SMCHD1: variants seen among roughly 807,000 people sequenced by gnomAD.
The protein encoded by SMCHD1 is structural maintenance of chromosomes flexible hinge domain containing 1.
SMCHD1 carries 78 observed loss-of-function variants against 254.7 expected under a neutral mutation model. The ratio of observed to expected loss-of-function variants is 0.31; its 90% confidence interval spans 0.26 to 0.37. SMCHD1 has a LOEUF of 0.37. Ranked by LOEUF, SMCHD1 falls within the 10% of genes least tolerant of loss-of-function variation. SMCHD1 has a pLI of 1.00. For missense variants in SMCHD1, 1,840 were observed against 2,408.1 expected (o/e 0.76, Z 4.94); for synonymous variants, 766 against 794.9 (o/e 0.96, Z 0.61).
rs534070946 is a variant in SMCHD1, at chr18:2,785,093, C to T, written c.5719+472C>T. Reference sequence around the variant, plus strand: ...AAAGTGTATGACATGTGATCTCCTGCCCCTTTTTCCCTTCCACAGGCTGTG... The same window carrying T: ...AAAGTGTATGACATGTGATCTCCTGTCCCTTTTTCCCTTCCACAGGCTGTG... On this transcript the variant is annotated intron_variant, in intron 45 of 47. Transcript: ENST00000320876. The T allele has an allele frequency of 9.8e-5, 26 of 266,100 alleles. No homozygotes were observed. In the East Asian group the frequency reaches 1.5e-3, roughly 15 times the overall value. The allele number at this position is 266,100 out of a possible 1,614,324, so 16.5% of individuals were successfully genotyped here. A position where few individuals can be genotyped will look rare whatever the true frequency, so the allele number is the denominator to read the frequency against.
chr18:2,678,594 G>A (rs1251109915), intron 5 of SMCHD1, among the ~76,000 whole-genome samples: 1 of 152,136 alleles, frequency 6.6e-6, no homozygotes, highest in Non-Finnish European at 1.5e-5. Context: ...TGGGATTACA[G>A]GCGTGAGCCC....
chr18:2,772,191 T>C, intron 40 of SMCHD1, 59 bp from the exon 41 acceptor site: 1 of 1,383,116 alleles, frequency 7.2e-7, no homozygotes. Context: ...ACTGTCATTA[T>C]GGGCTGCCTG....
intron 1 of SMCHD1, among the ~76,000 whole-genome samples, chr18:2,659,693 G>A (rs1012072797): frequency 1.3e-5 from 2 of 150,944 alleles, no homozygotes; most frequent in African/African-American, 2.4e-5. Context: ...TTTGTTGTGC[G>A]GCTATTCTAG....
intron 1 of SMCHD1, among the ~76,000 whole-genome samples, chr18:2,664,119 A>G (rs2073371748): frequency 6.6e-6 from 1 of 152,158 alleles, no homozygotes; most frequent in South Asian, 2.1e-4. Flanking sequence ...TCAAGTTAAT[A>G]GGAATTTACC....
At chr18:2,699,836 T>C (rs1211606717) in intron 10 of SMCHD1, among the ~76,000 whole-genome samples, 3 of 152,228 alleles carry the variant, frequency 2.0e-5, no homozygotes, top group Non-Finnish European at 4.4e-5. Context: ...TGAGGGCTTT[T>C]AGGGAGAAGG....
chr18:2,756,930 CGTA>C (rs1568321107), intron 34 of SMCHD1, among the ~76,000 whole-genome samples: 1 of 152,006 alleles, frequency 6.6e-6, no homozygotes, highest in African/African-American at 2.4e-5. Flanking sequence ...CTTGATTAAT[CGTA>C]GTAAGAGATT....
chr18:2,703,948 C>A, intron 13 of SMCHD1, 62 bp downstream of exon 13: 1 of 1,257,986 alleles, frequency 7.9e-7, no homozygotes, highest in Non-Finnish European at 1.1e-6. Flanking sequence ...AACACATATG[C>A]AGAATCACAT....
At chr18:2,790,481 C>T (rs1034737149) in intron 45 of SMCHD1, among the ~76,000 whole-genome samples, 3 of 151,956 alleles carry the variant, frequency 2.0e-5, no homozygotes, top group East Asian at 1.9e-4. Context: ...CAGTATAGGC[C>T]GGACACGGTG....
chr18:2,802,307 T>C (rs957647427), intron 47 of SMCHD1, among the ~76,000 whole-genome samples: 2 of 152,216 alleles, frequency 1.3e-5, no homozygotes, highest in East Asian at 1.9e-4. Context: ...ATATATGTTA[T>C]ATACTGTGTG....
chr18:2,748,544 G>A (rs2075512960), intron 30 of SMCHD1, among the ~76,000 whole-genome samples: 1 of 151,590 alleles, frequency 6.6e-6, no homozygotes, highest in Admixed American at 6.6e-5. Flanking sequence ...ACAGGCATGT[G>A]CCATCATGCC....
chr18:2,696,542 C>G (rs951783548), intron 8 of SMCHD1, among the ~76,000 whole-genome samples: 1 of 152,174 alleles, frequency 6.6e-6, no homozygotes, highest in Non-Finnish European at 1.5e-5. Context: ...AATTGTCTTC[C>G]ATGAAACTGG....
At chr18:2,742,850 A>T (rs2143562533) in intron 28 of SMCHD1, among the ~76,000 whole-genome samples, 1 of 151,900 alleles carries the variant, frequency 6.6e-6, no homozygotes, top group South Asian at 2.1e-4. Context: ...CTAATTTTAA[A>T]ATTTTTTGTA....
chr18:2,718,118 A>C lies in SMCHD1; in HGVS notation c.2261-40A>C. Reference sequence around the variant, plus strand: ...TTGCGTATTTCATGTTTTACGTTGAATTTCTCAAGACACTATTGTTTCTTT... The same window carrying C: ...TTGCGTATTTCATGTTTTACGTTGACTTTCTCAAGACACTATTGTTTCTTT... On this transcript the variant is annotated intron_variant, in intron 17 of 47. Transcript: ENST00000320876. The surrounding 1 kb of genome is among the most constrained non-coding windows in gnomAD (Gnocchi z 4.6). 1.3e-6 allele frequency: 2 copies of C among 1,494,010 alleles called. No homozygotes were observed. The highest frequency in any genetic ancestry group is 1.8e-6 in the Non-Finnish European group (2 of 1,089,172). The allele number at this position is 1,494,010 out of a possible 1,614,324, so 92.5% of individuals were successfully genotyped here.
chr18:2,704,014 T>C, intron 13 of SMCHD1, 128 bp downstream of exon 13: 1 of 658,640 alleles, frequency 1.5e-6, no homozygotes, highest in Non-Finnish European at 2.4e-6. Context: ...TCACATTTCA[T>C]GAAGAACATT....
intron 5 of SMCHD1, among the ~76,000 whole-genome samples, chr18:2,683,206 A>G (rs527663814): frequency 6.6e-6 from 1 of 152,256 alleles, no homozygotes; most frequent in African/African-American, 2.4e-5. Flanking sequence ...TTGCCATAGT[A>G]ACTGAATACT....
chr18:2,662,691 G>A (rs1382557264), intron 1 of SMCHD1, among the ~76,000 whole-genome samples: 18 of 99,762 alleles, frequency 1.8e-4, no homozygotes, highest in African/African-American at 4.7e-4. Flanking sequence ...AAAAAAAAAA[G>A]GGACATCATA....
Position 2,718,095 on chromosome 18 carries a change from G to A in SMCHD1, c.2261-63G>A. 1 of 1,284,796 alleles carries A rather than the reference G, an allele frequency of 7.8e-7. No homozygotes were observed. The highest frequency in any genetic ancestry group is 2.1e-5 in the Admixed American group (1 of 47,510). 79.6% of individuals were successfully genotyped at this position (1,284,796 alleles called of 1,614,324 possible). ...AGGTATTTGGTGCCAATGTGACATT[G>A]CGTATTTCATGTTTTACGTTGAATT... On this transcript the variant is annotated intron_variant, in intron 17 of 47. Transcript: ENST00000320876. The surrounding 1 kb of genome is among the most constrained non-coding windows in gnomAD (Gnocchi z 4.6).
chr18:2,745,416 C>G (rs1299910511), intron 29 of SMCHD1, among the ~76,000 whole-genome samples: 1 of 152,158 alleles, frequency 6.6e-6, no homozygotes, highest in East Asian at 1.9e-4. Flanking sequence ...TTAACATGCT[C>G]ATGCCTTAGT....
rs1032911858 is a variant in SMCHD1, at chr18:2,689,414, T to C, written c.873+667T>C. Among the ~76,000 whole-genome samples, 15 of 152,042 alleles carry C rather than the reference T, an allele frequency of 9.9e-5. 1 individual carries two copies. In the Middle Eastern group the frequency reaches 0.017, roughly 172 times the overall value. ...TTTTGTAGTTTTGGTAGAGACAGTGTTTCACCATGTTGGCCAGGCTGGTTT... is the reference window on the plus strand; with the variant it reads ...TTTTGTAGTTTTGGTAGAGACAGTGCTTCACCATGTTGGCCAGGCTGGTTT... On this transcript the variant is annotated intron_variant, in intron 7 of 47. Transcript: ENST00000320876.
Sources: allele counts gnomAD v4.1 joint callset (sites outside exome capture counted in the v4.1 genomes callset), GRCh38; gene constraint gnomAD v4.1.1; non-coding constraint Gnocchi (gnomAD v3.1); transcripts MANE v1.5; gene names NCBI Gene and HGNC (gene_info 2026-07-23, HGNC 2026-07-21).